Variants in AGAP1 observed in about 807,000 individuals in gnomAD.
AGAP1 encodes the protein ArfGAP with GTPase domain, ankyrin repeat and PH domain 1, also known as arf-GAP with GTPase, ANK repeat and PH domain-containing protein 1.
In AGAP1, 29 loss-of-function variants were observed where a neutral mutation model predicts 105.3. The ratio of observed to expected loss-of-function variants is 0.28; its 90% CI spans 0.21 to 0.38. AGAP1 has a LOEUF of 0.38. Among genes scored for constraint, AGAP1 ranks in the 10% least tolerant of loss-of-function variants. AGAP1 has a pLI of 1.00. For missense variants in AGAP1, 998 were observed against 1,165.1 expected (o/e 0.86, Z 2.09); for synonymous variants, 509 against 485.9 (o/e 1.05, Z -0.63).
intron 13 of AGAP1, among the ~76,000 whole-genome samples, chr2:236,015,030 G>A (rs560741097): frequency 6.6e-6 from 1 of 152,060 alleles, no homozygotes; most frequent in African/African-American, 2.4e-5. Flanking sequence ...TCATTCCTGT[G>A]GTCTTTTCAT....
intron 1 of AGAP1, among the ~76,000 whole-genome samples, chr2:235,686,556 T>TACACACACACACAC (rs10700794): frequency 2.9e-5 from 3 of 101,872 alleles, no homozygotes; most frequent in African/African-American, 1.2e-4. Context: ...GATATATATA[T>TACACACACACACAC]ACACACACAC....
rs2050414418 is a variant in AGAP1 at position 235,889,306 on chromosome 2, C to T, written c.1155+5857C>T. ...ACTGGGGAAACCTGACATTGCAGGA[C>T]ACCGTGGGGCTGGTGTGAGGCTGAA... On this transcript the variant is annotated intron_variant, in intron 10 of 17. Coordinates refer to ENST00000304032, the MANE Select transcript of AGAP1 (RefSeq NM_001037131.3). This position sits in a 1 kb window ranked among gnomAD's most constrained non-coding sequence, Gnocchi z 4.6. Among the ~76,000 whole-genome samples the T allele has an allele frequency of 6.6e-6, 1 of 152,120 alleles. No individual in the cohort carries two copies. The highest frequency in any genetic ancestry group is 2.4e-5 in the African/African-American group (1 of 41,414).
intron 1 of AGAP1, among the ~76,000 whole-genome samples, chr2:235,546,677 G>A (rs1055187707): frequency 1.2e-4 from 18 of 152,100 alleles, no homozygotes; most frequent in Admixed American, 2.6e-4. Context: ...GAGTGATGGC[G>A]ATGGCTTGTC....
chr2:235,590,022 A>G (rs1411906684), intron 1 of AGAP1, among the ~76,000 whole-genome samples: 2 of 152,092 alleles, frequency 1.3e-5, no homozygotes, highest in African/African-American at 2.4e-5. Flanking sequence ...CTGGGATTAC[A>G]GGTGAGTGCC....
chr2:235,975,148 CTT>C (rs2054805024), intron 13 of AGAP1, among the ~76,000 whole-genome samples: 1 of 152,214 alleles, frequency 6.6e-6, no homozygotes, highest in Admixed American at 6.5e-5. Flanking sequence ...CTACTTACAA[CTT>C]TAAACACCAG....
chr2:236,067,464 G>A (rs751708555), intron 16 of AGAP1, among the ~76,000 whole-genome samples: 6 of 152,126 alleles, frequency 3.9e-5, no homozygotes, highest in Admixed American at 6.5e-5. Flanking sequence ...AAAATACTAT[G>A]TCTACCTGTC....
chr2:235,825,364 A>G (rs1346066767), intron 9 of AGAP1, among the ~76,000 whole-genome samples: 1 of 152,236 alleles, frequency 6.6e-6, no homozygotes, highest in Admixed American at 6.5e-5. Context: ...TTTTGAGGAA[A>G]ACATTTTTAA....
intron 1 of AGAP1, among the ~76,000 whole-genome samples, chr2:235,584,115 G>T (rs906556171): frequency 6.6e-6 from 1 of 151,392 alleles, no homozygotes; most frequent in African/African-American, 2.4e-5. Context: ...TACGCTTGGG[G>T]TTTCTGCAGA....
chr2:235,680,117 C>A (rs1437328065), intron 1 of AGAP1, among the ~76,000 whole-genome samples: 1 of 152,218 alleles, frequency 6.6e-6, no homozygotes. Context: ...GCTCTATATG[C>A]AGGAGATCAG....
At chr2:235,650,093 G>C in intron 1 of AGAP1, among the ~76,000 whole-genome samples, 1 of 152,230 alleles carries the variant, frequency 6.6e-6, no homozygotes. Context: ...TAGGGATGGT[G>C]GCTCACGCCT....
chr2:236,014,768 CTT>C lies in AGAP1; in HGVS notation c.1646-21789_1646-21788del. On this transcript the variant is annotated intron_variant, in intron 13 of 17. Coordinates refer to ENST00000304032, the MANE Select transcript of AGAP1 (RefSeq NM_001037131.3). The surrounding 1 kb of genome is among the most constrained non-coding windows in gnomAD (Gnocchi z 6.3). Reference sequence around the variant, plus strand: ...TTTTCTTTTCCTTTTTGTTTTCTCTCTTTTTCCCCTCTCCCCTTTCTGCTCTC... The same window carrying C: ...TTTTCTTTTCCTTTTTGTTTTCTCTCTTTCCCCTCTCCCCTTTCTGCTCTC... 2.5e-6 allele frequency: 1 copy of C among 407,150 alleles called. No individual in the cohort carries two copies. Among genetic ancestry groups the C allele is most frequent in the South Asian group, 1.8e-5 (1 of 54,184 alleles). 25.2% of individuals were successfully genotyped at this position (407,150 alleles called of 1,614,324 possible).
At chr2:235,653,864 C>G (rs1947690538) in intron 1 of AGAP1, among the ~76,000 whole-genome samples, 1 of 152,176 alleles carries the variant, frequency 6.6e-6, no homozygotes, top group Non-Finnish European at 1.5e-5. Context: ...CAAGACCATC[C>G]TGGCCAACAT....
intron 9 of AGAP1, among the ~76,000 whole-genome samples, chr2:235,861,963 G>A (rs563074646): frequency 1.6e-3 from 238 of 152,304 alleles, no homozygotes; most frequent in African/African-American, 5.3e-3. Context: ...CCTGCCCCGT[G>A]GGGTTCCTGA....
intron 16 of AGAP1, among the ~76,000 whole-genome samples, chr2:236,108,982 A>G (rs1308272755): frequency 1.3e-5 from 2 of 152,156 alleles, no homozygotes; most frequent in African/African-American, 2.4e-5. Flanking sequence ...CCCCTTGACA[A>G]TGTGCTGACC....
At chr2:236,102,279 T>A (rs1027456734) in intron 16 of AGAP1, among the ~76,000 whole-genome samples, 4 of 151,058 alleles carry the variant, frequency 2.6e-5, no homozygotes, top group Admixed American at 2.6e-4. Flanking sequence ...TAGCCGGGCG[T>A]GGTGGCGGGT....
Position 235,736,725 on chromosome 2 carries a change from A to G in AGAP1, c.311-4238A>G, listed in dbSNP as rs192582778. On this transcript the variant is annotated intron_variant, in intron 3 of 17. Coordinates refer to ENST00000304032, the MANE Select transcript of AGAP1 (RefSeq NM_001037131.3). This position sits in a 1 kb window ranked among gnomAD's most constrained non-coding sequence, Gnocchi z 5.5. Reference sequence around the variant, plus strand: ...TGTGGCGGCACATGTCCGTGGTCCCAGCTACTCAGGGAGGCTGAGGTGGGA... The same window carrying G: ...TGTGGCGGCACATGTCCGTGGTCCCGGCTACTCAGGGAGGCTGAGGTGGGA... 9.6e-4 allele frequency among the ~76,000 whole-genome samples: 146 copies of G among 152,274 alleles called. No individual in the cohort carries two copies. The highest frequency in any genetic ancestry group is 3.5e-3 in the African/African-American group (144 of 41,572).
At position 235,787,925 on chromosome 2, in the gene AGAP1, G is replaced by A. The variant is rs1273468992; in HGVS notation, c.674-9834G>A. On this transcript the variant is annotated intron_variant, in intron 6 of 17. Coordinates refer to ENST00000304032, the MANE Select transcript of AGAP1 (RefSeq NM_001037131.3). This position sits in a 1 kb window ranked among gnomAD's most constrained non-coding sequence, Gnocchi z 4.4. ...CAAGAGCCATGACCATGAGCATTCCGGGACCAAGAGCAAGCAAGGCCAAGA... is the reference window on the plus strand; with the variant it reads ...CAAGAGCCATGACCATGAGCATTCCAGGACCAAGAGCAAGCAAGGCCAAGA... 1.3e-5 allele frequency among the ~76,000 whole-genome samples: 2 copies of A among 152,070 alleles called. No homozygotes were observed. The highest frequency in any genetic ancestry group is 3.4e-3 in the Middle Eastern group (1 of 294).
chr2:235,738,069 G>A lies in AGAP1; in HGVS notation c.311-2894G>A, dbSNP rs183159207. On this transcript the variant is annotated intron_variant, in intron 3 of 17. Transcript: ENST00000304032. The stretch of plus-strand genomic sequence containing the variant: ...GGACACAGGGTCGGGACGGTGTGGC[G>A]GCGAGGTCCCTCTGGCTGTGATATA... Among the ~76,000 whole-genome samples, 10 of 152,172 alleles carry A rather than the reference G, an allele frequency of 6.6e-5. No homozygotes were observed. The East Asian group carries it at 1.7e-3, about 27-fold the overall frequency.
chr2:236,081,701 T>A (rs1379818751), intron 16 of AGAP1, among the ~76,000 whole-genome samples: 1 of 151,416 alleles, frequency 6.6e-6, no homozygotes, highest in African/African-American at 2.4e-5. Flanking sequence ...CAATTATCTG[T>A]ATAAAATACT....
Sources: allele counts gnomAD v4.1 joint callset (sites outside exome capture counted in the v4.1 genomes callset), GRCh38; gene constraint gnomAD v4.1.1; non-coding constraint Gnocchi (gnomAD v3.1); transcripts MANE v1.5; gene names NCBI Gene and HGNC (gene_info 2026-07-23, HGNC 2026-07-21).